IGSF21: variants seen among roughly 807,000 people sequenced by gnomAD.
IGSF21 encodes the protein immunoglobin superfamily member 21, also known as immunoglobulin superfamily member 21.
In IGSF21, 28 loss-of-function variants were observed where a neutral mutation model predicts 46.8. The observed-to-expected ratio is 0.60, with a 90% CI of 0.44 to 0.82. IGSF21 has a LOEUF of 0.82. Ranked by LOEUF, IGSF21 falls within the 40% of genes least tolerant of loss-of-function variation. IGSF21 has a pLI of 0.00. For missense variants in IGSF21, 624 were observed against 665.5 expected (o/e 0.94, Z 0.69); for synonymous variants, 284 against 273.6 (o/e 1.04, Z -0.38).
At chr1:18,352,373 G>C (rs1021038249) in intron 4 of IGSF21, among the ~76,000 whole-genome samples, 1 of 152,122 alleles carries the variant, frequency 6.6e-6, no homozygotes, top group African/African-American at 2.4e-5. Context: ...AGAATCTCAG[G>C]ACTTGTTAAA....
At chr1:18,362,061 C>A in intron 4 of IGSF21, 54 bp from the exon 5 acceptor site, 1 of 1,312,880 alleles carries the variant, frequency 7.6e-7, no homozygotes, top group Non-Finnish European at 1.1e-6. Context: ...TCAGTGAACT[C>A]TTCCTGAATC....
chr1:18,217,680 C>T (rs563364069), intron 1 of IGSF21, among the ~76,000 whole-genome samples: 37 of 152,286 alleles, frequency 2.4e-4, no homozygotes, highest in African/African-American at 7.0e-4. Flanking sequence ...CTTCCTAGCC[C>T]GTAGTCCCAC....
intron 4 of IGSF21, among the ~76,000 whole-genome samples, chr1:18,336,264 A>G (rs1019601728): frequency 2.0e-5 from 3 of 152,234 alleles, no homozygotes; most frequent in Non-Finnish European, 4.4e-5. Flanking sequence ...GAAATAAAGC[A>G]GAGTAAAGGG....
At chr1:18,143,442 T>C (rs1458048945) in intron 1 of IGSF21, among the ~76,000 whole-genome samples, 1 of 152,064 alleles carries the variant, frequency 6.6e-6, no homozygotes, top group Non-Finnish European at 1.5e-5. Context: ...TGCTTAGAAC[T>C]CTCCATGGCT....
intron 1 of IGSF21, among the ~76,000 whole-genome samples, chr1:18,187,461 T>C (rs753798458): frequency 6.6e-6 from 1 of 152,180 alleles, no homozygotes; most frequent in Admixed American, 6.5e-5. Flanking sequence ...ACTTCTTACA[T>C]GGCGACAGCA....
chr1:18,340,425 CTTCA>C (rs1001483090), intron 4 of IGSF21, among the ~76,000 whole-genome samples: 1 of 152,142 alleles, frequency 6.6e-6, no homozygotes, highest in Admixed American at 6.5e-5. Context: ...GCTATATGGA[CTTCA>C]TTCATTCATG....
chr1:18,218,401 C>T (rs1487875499), intron 1 of IGSF21, among the ~76,000 whole-genome samples: 3 of 152,186 alleles, frequency 2.0e-5, no homozygotes, highest in African/African-American at 4.8e-5. Flanking sequence ...GTGGAGACCA[C>T]AGAGCCAAAT....
At chr1:18,190,177 G>C (rs1446446163) in intron 1 of IGSF21, among the ~76,000 whole-genome samples, 2 of 152,214 alleles carry the variant, frequency 1.3e-5, no homozygotes, top group African/African-American at 2.4e-5. Flanking sequence ...ACAAAGCCCT[G>C]CCTCTTCCCT....
chr1:18,287,714 C>A (rs988476641), intron 2 of IGSF21, among the ~76,000 whole-genome samples: 4 of 152,198 alleles, frequency 2.6e-5, no homozygotes, highest in Non-Finnish European at 5.9e-5. Flanking sequence ...CAGGTACTCA[C>A]TCAGGGCATC....
At chr1:18,169,636 G>T (rs945428185) in intron 1 of IGSF21, among the ~76,000 whole-genome samples, 1 of 152,186 alleles carries the variant, frequency 6.6e-6, no homozygotes, top group African/African-American at 2.4e-5. Context: ...CCCAGCCCAG[G>T]GTAGGGAGTT....
intron 1 of IGSF21, among the ~76,000 whole-genome samples, chr1:18,170,619 G>T (rs1329700251): frequency 2.0e-5 from 3 of 151,932 alleles, no homozygotes; most frequent in Non-Finnish European, 4.4e-5. Context: ...ACAGATGGAG[G>T]AAGTAAAGCA....
intron 1 of IGSF21, among the ~76,000 whole-genome samples, chr1:18,174,347 TTCTTCTTTTA>T (rs1247394871): frequency 6.6e-6 from 1 of 152,114 alleles, no homozygotes; most frequent in African/African-American, 2.4e-5. Context: ...AGATGGGCAG[TTCTTCTTTTA>T]TCTAGTCTCA....
At chr1:18,378,200 T>C in intron 9 of IGSF21, 56 bp from the exon 10 acceptor site, 16 of 1,459,236 alleles carry the variant, frequency 1.1e-5, no homozygotes, top group African/African-American at 2.8e-5. Flanking sequence ...GGCTCTGCTG[T>C]TCTGGAACGG....
intron 4 of IGSF21, chr1:18,361,680 G>A: frequency 6.4e-6 from 1 of 156,998 alleles, no homozygotes. Flanking sequence ...TAAAACTCAA[G>A]GTGTTAAAAC....
At chr1:18,121,653 C>T (rs2086234893) in intron 1 of IGSF21, among the ~76,000 whole-genome samples, 1 of 152,190 alleles carries the variant, frequency 6.6e-6, no homozygotes, top group African/African-American at 2.4e-5. Context: ...CCATCCTCCA[C>T]CAGCCCTGCT....
rs2086286852 is a variant in IGSF21, at chr1:18,376,882, A to T, written c.1184A>T (p.Lys395Met). 1 of 1,612,874 alleles carries T rather than the reference A, an allele frequency of 6.2e-7. No individual in the cohort carries two copies. The highest frequency in any genetic ancestry group is 8.5e-7 in the Non-Finnish European group (1 of 1,179,066). ...LLDGSAEFDG[K>M]ELVLERVPAE... is the part of the protein sequence containing the mutation. The stretch of plus-strand genomic sequence containing the variant: ...GACGGCAGCGCTGAGTTCGACGGGA[A>T]GGAGCTGGTGCTGGAGCGGGTTCCC... Residue 395 changes from lysine to methionine, a missense_variant, in exon 8 of 10, where the codon AAG becomes ATG. Coordinates refer to ENST00000251296, the MANE Select transcript of IGSF21 (RefSeq NM_032880.5).
At chr1:18,324,944 C>T (rs1407847019) in intron 3 of IGSF21, among the ~76,000 whole-genome samples, 3 of 152,226 alleles carry the variant, frequency 2.0e-5, no homozygotes, top group East Asian at 3.9e-4. Flanking sequence ...AATATATTGA[C>T]ACCATTGTTA....
intron 1 of IGSF21, among the ~76,000 whole-genome samples, chr1:18,116,914 AG>A (rs1458905448): frequency 2.0e-5 from 3 of 152,134 alleles, no homozygotes; most frequent in African/African-American, 7.2e-5. Context: ...TGGGCAAGTG[AG>A]GGTTGGAGCT....
chr1:18,376,444 C>T (rs1473747379), intron 7 of IGSF21, 49 bp downstream of exon 7: 3 of 1,320,838 alleles, frequency 2.3e-6, no homozygotes, highest in East Asian at 4.6e-5. Context: ...GTGGTAGAGG[C>T]ACCGACCCAG....
Sources: gnomAD v4.1 joint callset for allele counts (sites outside exome capture counted in the v4.1 genomes callset) on GRCh38, gnomAD v4.1.1 for gene constraint, MANE v1.5 for transcripts, NCBI Gene and HGNC (gene_info 2026-07-23, HGNC 2026-07-21) for gene names.